PCDHA9: variants seen among roughly 807,000 people sequenced by gnomAD.
PCDHA9 encodes the protein protocadherin alpha-9.
Under a neutral mutation model 62.0 loss-of-function variants are expected in PCDHA9, and 62 were observed. The observed-to-expected ratio is 1.00, with a 90% CI of 0.81 to 1.23. PCDHA9 has a LOEUF of 1.23. PCDHA9 is among the 50% of genes most tolerant of loss of function. PCDHA9 has a pLI of 0.00. For synonymous variants in PCDHA9, 557 were observed against 567.6 expected (o/e 0.98, Z 0.27); for missense variants, 1,205 against 1,249.8 (o/e 0.96, Z 0.54).
intron 3 of PCDHA9, among the ~76,000 whole-genome samples, chr5:141,006,559 T>C (rs2098278096): frequency 6.6e-6 from 1 of 152,134 alleles, no homozygotes; most frequent in East Asian, 1.9e-4. Flanking sequence ...TAAAGATGAC[T>C]CTGGCTACTG....
At chr5:140,913,619 G>A (rs188632685) in intron 1 of PCDHA9, among the ~76,000 whole-genome samples, 1 of 151,848 alleles carries the variant, frequency 6.6e-6, no homozygotes, top group Non-Finnish European at 1.5e-5. Context: ...TACTAATTTT[G>A]GATTCAGTTT....
intron 1 of PCDHA9, among the ~76,000 whole-genome samples, chr5:140,890,344 A>T (rs1482265903): frequency 1.3e-5 from 2 of 152,196 alleles, no homozygotes; most frequent in Admixed American, 6.5e-5. Context: ...GGGATGGTTT[A>T]CTATATAGCA....
At chr5:140,888,558 C>G (rs782768307) in intron 1 of PCDHA9, among the ~76,000 whole-genome samples, 1 of 152,188 alleles carries the variant, frequency 6.6e-6, no homozygotes, top group Non-Finnish European at 1.5e-5. Flanking sequence ...TTATTCCTTT[C>G]AAGGCTTCAT....
chr5:140,930,466 T>C (rs2086864823), intron 1 of PCDHA9: 1 of 152,352 alleles, frequency 6.6e-6, no homozygotes. Context: ...CAAGTGATCC[T>C]CCCACCTAGG....
chr5:140,870,420 G>C lies in PCDHA9; in HGVS notation c.2394+19531G>C, dbSNP rs371557347. 1.3e-4 allele frequency: 208 copies of C among 1,614,234 alleles called. No homozygotes were observed. The highest frequency in any genetic ancestry group is 1.7e-4 in the Non-Finnish European group (202 of 1,180,052). Reference sequence around the variant, plus strand: ...CGCCTTCTCTGTGGGCCACGGCCAGGGTATCCGTGGAGGTGGCCGACGTGA... The same window carrying C: ...CGCCTTCTCTGTGGGCCACGGCCAGCGTATCCGTGGAGGTGGCCGACGTGA... On this transcript the variant is annotated intron_variant, in intron 1 of 3. Transcript: ENST00000532602.
intron 1 of PCDHA9, chr5:140,884,155 C>G: frequency 6.2e-7 from 1 of 1,613,430 alleles, no homozygotes; most frequent in Non-Finnish European, 8.5e-7. Context: ...TGTACACTGG[C>G]GAGATCAGCA....
intron 1 of PCDHA9, among the ~76,000 whole-genome samples, chr5:140,953,085 A>G (rs1197965470): frequency 2.0e-5 from 3 of 152,246 alleles, no homozygotes; most frequent in African/African-American, 4.8e-5. Flanking sequence ...ATTGGGGATT[A>G]CAATTTGACA....
chr5:140,911,477 T>A (rs1457881834), intron 1 of PCDHA9, among the ~76,000 whole-genome samples: 2 of 152,132 alleles, frequency 1.3e-5, no homozygotes, highest in Non-Finnish European at 2.9e-5. Context: ...AGACTCTCAC[T>A]CAGGGCAATC....
intron 1 of PCDHA9, chr5:140,871,068 G>GC (rs782196824): frequency 1.2e-6 from 2 of 1,613,112 alleles, no homozygotes; most frequent in African/African-American, 2.7e-5. Flanking sequence ...ATCACGGTGA[G>GC]CCGGCGCTGA....
At chr5:140,990,176 T>G (rs1294066255) in intron 3 of PCDHA9, among the ~76,000 whole-genome samples, 1 of 152,142 alleles carries the variant, frequency 6.6e-6, no homozygotes, top group Non-Finnish European at 1.5e-5. Context: ...AAAAGGTGAC[T>G]TTTAAGAACC....
chr5:140,947,778 G>A (rs2094175732), intron 1 of PCDHA9, among the ~76,000 whole-genome samples: 2 of 151,456 alleles, frequency 1.3e-5, no homozygotes, highest in South Asian at 4.1e-4. Context: ...TATTGTAAAT[G>A]GATTTTAAAC....
chr5:140,941,259 T>G (rs368206632), intron 1 of PCDHA9, among the ~76,000 whole-genome samples: 1 of 121,734 alleles, frequency 8.2e-6, no homozygotes, highest in Non-Finnish European at 1.8e-5. Flanking sequence ...TTCTTTCTCT[T>G]TCTTTCTTTC....
chr5:140,876,185 A>AC (rs782573528), intron 1 of PCDHA9: 1 of 1,613,986 alleles, frequency 6.2e-7, no homozygotes, highest in East Asian at 2.2e-5. Context: ...GTGAATGACA[A>AC]TGGTCCGGCG....
chr5:140,868,356 T>A (rs1465427202), intron 1 of PCDHA9: 1 of 152,118 alleles, frequency 6.6e-6, no homozygotes, highest in Non-Finnish European at 1.5e-5. Flanking sequence ...AGAAAGCAAT[T>A]AAATGTAAAT....
At chr5:140,983,739 G>A (rs983923811) in intron 3 of PCDHA9, among the ~76,000 whole-genome samples, 1 of 152,194 alleles carries the variant, frequency 6.6e-6, no homozygotes, top group African/African-American at 2.4e-5. Context: ...TGGCTGGCTT[G>A]CAATAATCCA....
At chr5:140,896,398 A>T (rs1322743669) in intron 1 of PCDHA9, among the ~76,000 whole-genome samples, 3 of 151,946 alleles carry the variant, frequency 2.0e-5, no homozygotes, top group African/African-American at 7.3e-5. Context: ...AGCATCTGTT[A>T]TTTTTGACTT....
At chr5:140,851,185 A>G in intron 1 of PCDHA9, 4 of 1,237,652 alleles carry the variant, frequency 3.2e-6, no homozygotes, top group Non-Finnish European at 4.1e-6. Flanking sequence ...TTGAAAACCA[A>G]TTTAGTTGTT....
chr5:140,907,883 G>GTGAA (rs2073669227), intron 1 of PCDHA9, among the ~76,000 whole-genome samples: 1 of 152,110 alleles, frequency 6.6e-6, no homozygotes, highest in Non-Finnish European at 1.5e-5. Flanking sequence ...CACTCACATG[G>GTGAA]GATACAAATA....
In PCDHA9 at chr5:140,850,252, G is replaced by GCGC. The variant is rs2150475866; in HGVS notation, c.1760_1762dup (p.Ala587dup). ...AGCGAGATGGTGCTGCGGTCGGTGG[G>GCGC]CGCCGGCGTAGTGGTGGGGAAGGTG... is the stretch of plus-strand genomic sequence containing the variant. On this transcript the variant is annotated inframe_insertion, in exon 1 of 4. Coordinates refer to ENST00000532602, the MANE Select transcript of PCDHA9 (RefSeq NM_031857.2). 12 of 1,593,714 alleles carry GCGC rather than the reference G, an allele frequency of 7.5e-6. No homozygotes were observed. The East Asian group carries it at 2.7e-4, about 36-fold the overall frequency.
Sources: gnomAD v4.1 joint callset for allele counts (sites outside exome capture counted in the v4.1 genomes callset) on GRCh38, gnomAD v4.1.1 for gene constraint, MANE v1.5 for transcripts, NCBI Gene and HGNC (gene_info 2026-07-23, HGNC 2026-07-21) for gene names.